Variants in FHAD1 observed in about 807,000 individuals in gnomAD.
FHAD1 encodes forkhead-associated domain-containing protein 1.
A neutral mutation model predicts 191.3 loss-of-function variants in FHAD1; 146 were observed. The ratio of observed to expected loss-of-function variants is 0.76; its 90% confidence interval spans 0.67 to 0.88. The LOEUF is 0.88. FHAD1 is among the 40% of genes least tolerant of loss of function. The pLI is 0.00. For synonymous variants in FHAD1, 616 were observed against 672.3 expected, an observed-to-expected ratio of 0.92 and a Z score of 1.29; for missense variants, 1,635 against 1,785.8, an observed-to-expected ratio of 0.92 and a Z score of 1.52.
chr1:15,305,158 G>A (rs763210268), intron 6 of FHAD1, among the ~76,000 whole-genome samples: 6 of 152,168 alleles, frequency 3.9e-5, no homozygotes, highest in Non-Finnish European at 7.3e-5. Context: ...AAAACGCACC[G>A]TAGAATAATC....
intron 10 of FHAD1, among the ~76,000 whole-genome samples, chr1:15,322,872 G>A (rs1378314381): frequency 2.6e-5 from 4 of 152,186 alleles, no homozygotes; most frequent in Middle Eastern, 3.2e-3. Context: ...AGACACACCC[G>A]AAACTGGGAA....
Position 15,339,589 on chromosome 1 carries a change from C to T in FHAD1, c.1977+38C>T, listed in dbSNP as rs371261202. The T allele has an allele frequency of 7.0e-5, 79 of 1,122,558 alleles. No individual in the cohort carries two copies. The East Asian group carries it at 2.8e-3, about 40-fold the overall frequency. The allele number at this position is 1,122,558 out of a possible 1,614,324, so 69.5% of individuals were successfully genotyped here. ...ATTTCTTTTTTTCCAAAGTTCATTTCGGCCCCTGGTTGGCATTTATATAGC... is the reference window on the plus strand; with the variant it reads ...ATTTCTTTTTTTCCAAAGTTCATTTTGGCCCCTGGTTGGCATTTATATAGC... On this transcript the variant is annotated intron_variant, in intron 15 of 33. Transcript: ENST00000688493.
At chr1:15,294,875 C>T (rs1027876535) in intron 4 of FHAD1, among the ~76,000 whole-genome samples, 1 of 152,058 alleles carries the variant, frequency 6.6e-6, no homozygotes, top group Non-Finnish European at 1.5e-5. Flanking sequence ...CCCTTCTCCT[C>T]GAACAGGCAG....
intron 10 of FHAD1, among the ~76,000 whole-genome samples, chr1:15,319,219 AAAT>A (rs1312061375): frequency 1.3e-5 from 2 of 152,306 alleles, no homozygotes; most frequent in African/African-American, 4.8e-5. Context: ...AAATAAAAGC[AAAT>A]AATCTATTTT....
intron 3 of FHAD1, among the ~76,000 whole-genome samples, chr1:15,278,731 C>T (rs1444005859): frequency 2.0e-5 from 3 of 152,086 alleles, no homozygotes; most frequent in African/African-American, 7.2e-5. Context: ...ACCTTGGCCT[C>T]CCAAAGTGCT....
chr1:15,351,234 G>C (rs1035991588), intron 19 of FHAD1, among the ~76,000 whole-genome samples: 1 of 152,088 alleles, frequency 6.6e-6, no homozygotes, highest in Non-Finnish European at 1.5e-5. Flanking sequence ...AGTCCCAGCT[G>C]CTCGGGAGGC....
intron 2 of FHAD1, among the ~76,000 whole-genome samples, chr1:15,261,585 G>A (rs552568889): frequency 1.5e-4 from 23 of 152,226 alleles, no homozygotes; most frequent in East Asian, 7.7e-4. Context: ...CTGAAACAGC[G>A]TCTTCTCGGG....
At chr1:15,342,457 G>T (rs1392336423) in intron 16 of FHAD1, among the ~76,000 whole-genome samples, 1 of 152,118 alleles carries the variant, frequency 6.6e-6, no homozygotes, top group African/African-American at 2.4e-5. Context: ...TGGTACTGAC[G>T]CTACCAGTCT....
At chr1:15,258,584 C>CT (rs951362853) in intron 2 of FHAD1, among the ~76,000 whole-genome samples, 37 of 131,176 alleles carry the variant, frequency 2.8e-4, no homozygotes, top group South Asian at 1.9e-3. Flanking sequence ...CTCTGTCTCT[C>CT]TTTTTTTTTT....
At chr1:15,352,150 A>G (rs961051682) in intron 19 of FHAD1, among the ~76,000 whole-genome samples, 1 of 152,124 alleles carries the variant, frequency 6.6e-6, no homozygotes, top group African/African-American at 2.4e-5. Context: ...TTCAGTACAT[A>G]CCCCTCTGGT....
At chr1:15,262,019 A>ATG (rs948918657) in intron 2 of FHAD1, among the ~76,000 whole-genome samples, 4 of 152,144 alleles carry the variant, frequency 2.6e-5, no homozygotes, top group South Asian at 2.1e-4. Flanking sequence ...TTTAGCACAC[A>ATG]CGCACACACA....
chr1:15,354,956 C>T (rs1253709733), intron 20 of FHAD1, among the ~76,000 whole-genome samples: 1 of 152,162 alleles, frequency 6.6e-6, no homozygotes, highest in African/African-American at 2.4e-5. Flanking sequence ...CGCCTGTAAT[C>T]CCAGCACTTT....
In FHAD1 at chr1:15,345,275, G is replaced by T; in HGVS notation, c.2238+85G>T. Reference sequence around the variant, plus strand: ...CTGGGGCTCTGGTCTGGGCCCGCCGGCTCTGAGCTCCAGGGCTGTGCTGTC... The same window carrying T: ...CTGGGGCTCTGGTCTGGGCCCGCCGTCTCTGAGCTCCAGGGCTGTGCTGTC... On this transcript the variant is annotated intron_variant, in intron 17 of 33. Transcript: ENST00000688493. 2 of 1,377,596 alleles carry T rather than the reference G, an allele frequency of 1.5e-6. 1 individual carries two copies. The highest frequency in any genetic ancestry group is 2.5e-5 in the South Asian group (2 of 79,404). 85.3% of individuals were successfully genotyped at this position (1,377,596 alleles called of 1,614,324 possible). A position where few individuals can be genotyped will look rare whatever the true frequency, so the allele number is the denominator to read the frequency against.
At chr1:15,375,534 G>A in intron 27 of FHAD1, 69 bp from the exon 28 acceptor site, 1 of 1,403,474 alleles carries the variant, frequency 7.1e-7, no homozygotes, top group East Asian at 2.5e-5. Context: ...GTAAATAGTT[G>A]CTATGGTTAT....
intron 15 of FHAD1, among the ~76,000 whole-genome samples, chr1:15,341,234 G>A (rs1686543582): frequency 1.3e-5 from 2 of 152,130 alleles, no homozygotes; most frequent in Admixed American, 1.3e-4. Context: ...AGTATGCAGT[G>A]GGCCCGATTT....
intron 4 of FHAD1, among the ~76,000 whole-genome samples, chr1:15,291,941 G>C (rs1341446882): frequency 6.6e-6 from 1 of 152,146 alleles, no homozygotes; most frequent in Non-Finnish European, 1.5e-5. Flanking sequence ...GTCCTAGAGA[G>C]AAAAGCAGCA....
At chr1:15,382,951 C>T (rs908234616) in intron 31 of FHAD1, among the ~76,000 whole-genome samples, 21 of 152,184 alleles carry the variant, frequency 1.4e-4, no homozygotes, top group African/African-American at 4.8e-4. Flanking sequence ...CTTGAGAAAC[C>T]GAGATTCCAG....
At chr1:15,305,647 G>A (rs1037529958) in intron 6 of FHAD1, 3 of 234,490 alleles carry the variant, frequency 1.3e-5, no homozygotes. Flanking sequence ...TGAATCATGG[G>A]GGCCAGTATT....
Position 15,375,626 on chromosome 1 carries a change from T to A in FHAD1, c.3601T>A (p.Ser1201Thr), listed in dbSNP as rs1196120759. 1.3e-6 allele frequency: 2 copies of A among 1,539,794 alleles called. No homozygotes were observed. The highest frequency in any genetic ancestry group is 1.7e-6 in the Non-Finnish European group (2 of 1,143,616). Reference sequence around the variant, plus strand: ...AGATCATAAAGACCACCAGAATGAATCATTTCTAGATTTAAAGAACCTCAG... The same window carrying A: ...AGATCATAAAGACCACCAGAATGAAACATTTCTAGATTTAAAGAACCTCAG... ...SPDHKDHQNE[S>T]FLDLKNLRME... is the part of the protein sequence containing the mutation. Residue 1201 changes from serine (S) to threonine (T), a missense_variant, in exon 28 of 34, where the codon TCA becomes ACA. Coordinates refer to ENST00000688493, the MANE Select transcript of FHAD1 (RefSeq NM_001391957.1).
Sources: allele counts gnomAD v4.1 joint callset (sites outside exome capture counted in the v4.1 genomes callset), GRCh38; gene constraint gnomAD v4.1.1; transcripts MANE v1.5; gene names NCBI Gene and HGNC (gene_info 2026-07-23, HGNC 2026-07-21).